PRKDC: variants seen among roughly 807,000 people sequenced by gnomAD.
PRKDC encodes DNA-dependent protein kinase catalytic subunit.
PRKDC carries 82 observed loss-of-function variants against 486.9 expected under a neutral mutation model. That is an observed-to-expected ratio of 0.17 (90% CI 0.14 to 0.20). The LOEUF (loss-of-function observed/expected upper bound fraction) is 0.20, where lower values mean the gene tolerates loss of function less well. Among genes scored for constraint, PRKDC ranks in the 10% least tolerant of loss-of-function variants. The pLI is 1.00. For synonymous variants in PRKDC, 1,895 were observed against 1,837.0 expected (o/e 1.03, Z -0.81); for missense variants, 4,504 against 5,038.2 (o/e 0.89, Z 3.21).
chr8:47,856,189 C>A (rs572970861), intron 49 of PRKDC, among the ~76,000 whole-genome samples: 7 of 151,984 alleles, frequency 4.6e-5, no homozygotes, highest in Non-Finnish European at 1.0e-4. Flanking sequence ...CAGAGACAAG[C>A]GTGTGAGAAA....
chr8:47,863,170 GAA>G (rs1233511407), intron 42 of PRKDC, among the ~76,000 whole-genome samples: 1 of 151,984 alleles, frequency 6.6e-6, no homozygotes, highest in East Asian at 1.9e-4. Context: ...ACAGTAAAAG[GAA>G]AAAGTTTTAT....
At chr8:47,830,476 C>T (rs2087838334) in intron 61 of PRKDC, 129 bp downstream of exon 61, 4 of 1,271,896 alleles carry the variant, frequency 3.1e-6, no homozygotes, top group East Asian at 2.4e-5. Flanking sequence ...CCAAGTCCAC[C>T]GTTGAGGACA....
intron 22 of PRKDC, among the ~76,000 whole-genome samples, 198 bp downstream of exon 22, chr8:47,918,079 C>G (rs762505832): frequency 2.6e-5 from 4 of 152,194 alleles, no homozygotes; most frequent in African/African-American, 7.2e-5. Context: ...GCGATCCACC[C>G]ACCTCACCCT....
chr8:47,831,666 G>A, intron 60 of PRKDC, 148 bp downstream of exon 60: 1 of 761,812 alleles, frequency 1.3e-6, no homozygotes, highest in Non-Finnish European at 2.2e-6. Flanking sequence ...CCCTGTGGGG[G>A]AGCCCCAGGA....
At chr8:47,959,122 T>C (rs1258241946) in intron 1 of PRKDC, 1 of 152,180 alleles carries the variant, frequency 6.6e-6, no homozygotes, top group African/African-American at 2.4e-5. Context: ...CACCTTTTAA[T>C]AGGGCACAAC....
Position 47,849,439 on chromosome 8 carries a change from T to G in PRKDC, c.7070A>C (p.Glu2357Ala). 1 of 1,614,036 alleles carries G rather than the reference T, an allele frequency of 6.2e-7. No individual in the cohort carries two copies. Among genetic ancestry groups the G allele is most frequent in the Non-Finnish European group, 8.5e-7 (1 of 1,179,902 alleles). Residue 2357 changes from glutamate (E) to alanine (A), a missense_variant, in exon 53 of 86, where the codon GAG becomes GCG. Around this residue, in one of 6 missense-constraint regions of PRKDC, gnomAD observed 1,592 missense variants for 1,724.6 expected, o/e 0.92. Coordinates refer to ENST00000314191, the MANE Select transcript of PRKDC (RefSeq NM_006904.7). ...KQLKQHQNTM[E>A]DKFIVCLNKV... ...GTTCAAGCACACAATAAACTTGTCC[T>G]CCATAGTATTCTGATGTTGCTTCAA...
At position 47,773,581 on chromosome 8, in the gene PRKDC, CA is replaced by C. The variant is rs2154497145; in HGVS notation, c.*591del. On this transcript the variant is annotated 3_prime_UTR_variant, in exon 86 of 86. Coordinates refer to ENST00000314191, the MANE Select transcript of PRKDC (RefSeq NM_006904.7). Reference sequence around the variant, plus strand: ...AGAGAGCAAATCTATCATAAAATGTCAAAACTAGAAGAGAATAAAATGAAAG... The same window carrying C: ...AGAGAGCAAATCTATCATAAAATGTCAAACTAGAAGAGAATAAAATGAAAG... 1 of 220,498 alleles carries C rather than the reference CA, an allele frequency of 4.5e-6. No homozygotes were observed. Among genetic ancestry groups the C allele is most frequent in the African/African-American group, 2.2e-5 (1 of 44,746 alleles). 13.7% of individuals were successfully genotyped at this position (220,498 alleles called of 1,614,324 possible).
intron 32 of PRKDC, 32 bp from the exon 33 acceptor site, chr8:47,889,254 T>C (rs538351590): frequency 2.6e-6 from 4 of 1,542,724 alleles, no homozygotes; most frequent in Non-Finnish European, 8.8e-7. Context: ...AAACACTTCG[T>C]CAGCCAGCAC....
At chr8:47,799,762 GC>G (rs1563740777) in intron 71 of PRKDC, among the ~76,000 whole-genome samples, 1 of 152,118 alleles carries the variant, frequency 6.6e-6, no homozygotes, top group African/African-American at 2.4e-5. Context: ...AGAAGACAAG[GC>G]CCCACAACTG....
At chr8:47,828,467 T>A in intron 61 of PRKDC, 120 bp from the exon 62 acceptor site, 1 of 786,004 alleles carries the variant, frequency 1.3e-6, no homozygotes, top group Non-Finnish European at 1.9e-6. Context: ...TACCTCTCAA[T>A]TCTATTTGGA....
At chr8:47,856,650 A>G (rs2088548033) in intron 49 of PRKDC, among the ~76,000 whole-genome samples, 1 of 152,102 alleles carries the variant, frequency 6.6e-6, no homozygotes, top group African/African-American at 2.4e-5. Context: ...ACACACACAC[A>G]TGTCTACACT....
Position 47,862,604 on chromosome 8 carries a change from C to T in PRKDC, c.5751-63G>A. ...CATGGCAATCACTGCTCAAGCCCAA[C>T]AATGCCAGACAACAGGACCTAATGC... is the stretch of plus-strand genomic sequence containing the variant. On this transcript the variant is annotated intron_variant, in intron 42 of 85. Coordinates refer to ENST00000314191, the MANE Select transcript of PRKDC (RefSeq NM_006904.7). 12 of 1,468,848 alleles carry T rather than the reference C, an allele frequency of 8.2e-6. No individual in the cohort carries two copies. The South Asian group carries it at 1.5e-4, about 18-fold the overall frequency. 91.0% of individuals were successfully genotyped at this position (1,468,848 alleles called of 1,614,324 possible).
At chr8:47,948,098 G>A (rs2090564895) in intron 7 of PRKDC, among the ~76,000 whole-genome samples, 1 of 140,194 alleles carries the variant, frequency 7.1e-6, no homozygotes, top group Admixed American at 7.2e-5. Flanking sequence ...AAATATATTT[G>A]CACACACACA....
At chr8:47,862,689 T>C (rs1272569157) in intron 42 of PRKDC, 148 bp from the exon 43 acceptor site, 5 of 683,056 alleles carry the variant, frequency 7.3e-6, no homozygotes, top group East Asian at 2.9e-5. Flanking sequence ...ACTGGGAATA[T>C]GAAAAGGAAC....
At chr8:47,881,044 A>G (rs1364752567) in intron 38 of PRKDC, among the ~76,000 whole-genome samples, 1 of 125,938 alleles carries the variant, frequency 7.9e-6, no homozygotes, top group Non-Finnish European at 1.7e-5. Flanking sequence ...GAGACTGTCT[A>G]AAAAAAAAAA....
chr8:47,907,066 T>A (rs1175740862), intron 25 of PRKDC, among the ~76,000 whole-genome samples: 1 of 150,802 alleles, frequency 6.6e-6, no homozygotes, highest in Non-Finnish European at 1.5e-5. Context: ...TGAGACGGAG[T>A]CTCGCTCTGT....
chr8:47,955,012 G>A (rs1249109258), intron 4 of PRKDC, among the ~76,000 whole-genome samples: 1 of 151,786 alleles, frequency 6.6e-6, no homozygotes, highest in Non-Finnish European at 1.5e-5. Flanking sequence ...AAATTAGCCA[G>A]GCATGGTGGC....
Position 47,773,962 on chromosome 8 carries a change from A to T in PRKDC, c.*211T>A, listed in dbSNP as rs897575235. 4.0e-6 allele frequency: 2 copies of T among 499,564 alleles called. No individual in the cohort carries two copies. Among genetic ancestry groups the T allele is most frequent in the African/African-American group, 1.9e-5 (1 of 52,194 alleles). 30.9% of individuals were successfully genotyped at this position (499,564 alleles called of 1,614,324 possible). On this transcript the variant is annotated 3_prime_UTR_variant, in exon 86 of 86. Coordinates refer to ENST00000314191, the MANE Select transcript of PRKDC (RefSeq NM_006904.7). ...ATCTATCTTTCTATAAACCTCACCT[A>T]ATCTTTGATGTTACTATAACCTTAT...
Position 47,782,327 on chromosome 8 carries a change from A to G in PRKDC, c.11396+51T>C. The G allele has an allele frequency of 3.1e-6, 5 of 1,610,878 alleles. No homozygotes were observed. Among genetic ancestry groups the G allele is most frequent in the Non-Finnish European group, 4.2e-6 (5 of 1,177,816 alleles). On this transcript the variant is annotated intron_variant, in intron 79 of 85. Transcript: ENST00000314191. The surrounding 1 kb of genome is among the most constrained non-coding windows in gnomAD (Gnocchi z 4.9). ...CTTCACTAGAAAAACAGTCCCGTGG[A>G]CGCCAAGCAATATGCAGCAGCCTAC...
Sources: allele counts gnomAD v4.1 joint callset (sites outside exome capture counted in the v4.1 genomes callset), GRCh38; gene constraint gnomAD v4.1.1; regional missense constraint gnomAD v4.1.1; non-coding constraint Gnocchi (gnomAD v3.1); transcripts MANE v1.5; gene names NCBI Gene and HGNC (gene_info 2026-07-23, HGNC 2026-07-21).